The following ZEB2 variants were observed in gnomAD, a reference collection of about 807,000 sequenced individuals.
ZEB2 encodes zinc finger E-box binding homeobox 2.
In ZEB2, 6 loss-of-function variants were observed where a neutral mutation model predicts 99.9. That is an observed-to-expected ratio of 0.06 (90% CI 0.03 to 0.12). The LOEUF is 0.12. ZEB2 is among the 10% of genes least tolerant of loss of function. The pLI, the probability that ZEB2 is intolerant of heterozygous loss-of-function variation, is 1.00. For missense variants in ZEB2, 969 were observed against 1,502.8 expected, an observed-to-expected ratio of 0.64 and a Z score of 5.87; for synonymous variants, 517 against 542.5, an observed-to-expected ratio of 0.95 and a Z score of 0.65.
chr2:144,498,900 G>A (rs1280333426), intron 2 of ZEB2, among the ~76,000 whole-genome samples: 1 of 152,158 alleles, frequency 6.6e-6, no homozygotes, highest in Non-Finnish European at 1.5e-5. Flanking sequence ...GTGAGACCCT[G>A]TCTCTAAAAA....
At chr2:144,410,243 T>C (rs1402370093) in intron 4 of ZEB2, among the ~76,000 whole-genome samples, 3 of 152,208 alleles carry the variant, frequency 2.0e-5, no homozygotes, top group African/African-American at 7.2e-5. Flanking sequence ...TGTTTCCTCA[T>C]GACCATGTGT....
intron 2 of ZEB2, among the ~76,000 whole-genome samples, chr2:144,442,872 A>G (rs1703934706): frequency 6.6e-6 from 1 of 152,218 alleles, no homozygotes; most frequent in Non-Finnish European, 1.5e-5. Flanking sequence ...TGGCACAGAA[A>G]GCATTTTGGA....
At chr2:144,434,704 C>G (rs1703814999) in intron 2 of ZEB2, among the ~76,000 whole-genome samples, 1 of 152,268 alleles carries the variant, frequency 6.6e-6, no homozygotes, top group African/African-American at 2.4e-5. Flanking sequence ...TTGTTACTTT[C>G]ATGGATCCCC....
At chr2:144,463,612 T>G (rs1332303944) in intron 2 of ZEB2, 1 of 152,078 alleles carries the variant, frequency 6.6e-6, no homozygotes. Flanking sequence ...GAGAATCACT[T>G]GAGCCCAGGA....
chr2:144,490,337 G>A lies in ZEB2; in HGVS notation c.73+26941C>T, dbSNP rs1007729285. Among the ~76,000 whole-genome samples, 5 of 152,062 alleles carry A rather than the reference G, an allele frequency of 3.3e-5. No individual in the cohort carries two copies. The South Asian group carries it at 1.0e-3, about 32-fold the overall frequency. ...GCCACATAATAATGATACAATAAAT[G>A]GGAGCTGTACTATTATTATTAATAT... On this transcript the variant is annotated intron_variant, in intron 2 of 9. Transcript: ENST00000627532.
Position 144,385,826 on chromosome 2 carries a change from C to A in ZEB2, c.*3625G>T, listed in dbSNP as rs1007860680. The A allele has an allele frequency of 6.6e-6, 1 of 152,028 alleles. No homozygotes were observed. The highest frequency in any genetic ancestry group is 1.5e-5 in the Non-Finnish European group (1 of 67,988). 9.4% of individuals were successfully genotyped at this position (152,028 alleles called of 1,614,324 possible). On this transcript the variant is annotated 3_prime_UTR_variant, in exon 10 of 10. Coordinates refer to ENST00000627532, the MANE Select transcript of ZEB2 (RefSeq NM_014795.4). The stretch of plus-strand genomic sequence containing the variant: ...CATTATTAGAAAGATAAAAAATGAC[C>A]TTTTTAAAAGTTATCTGATTGTGAA...
At chr2:144,519,042 G>A (rs1273547601) in intron 1 of ZEB2, among the ~76,000 whole-genome samples, 1 of 152,110 alleles carries the variant, frequency 6.6e-6, no homozygotes, top group East Asian at 1.9e-4. Context: ...CATGTTAGCC[G>A]GGCTCATCAC....
intron 2 of ZEB2, chr2:144,450,094 C>G (rs933805968): frequency 4.0e-5 from 6 of 151,652 alleles, no homozygotes; most frequent in Non-Finnish European, 7.4e-5. Context: ...AATTGTATTA[C>G]CACTGGAATT....
In ZEB2 at chr2:144,473,314, T is replaced by C. The variant is rs112612967; in HGVS notation, c.74-43288A>G. Among the ~76,000 whole-genome samples, 405 of 152,162 alleles carry C rather than the reference T, an allele frequency of 2.7e-3. 3 individuals carry two copies. The highest frequency in any genetic ancestry group is 9.4e-3 in the African/African-American group (391 of 41,522). The stretch of plus-strand genomic sequence containing the variant: ...AAACTAGGCAGATAGGGAAAATGAG[T>C]AGTTTTATGTCATGGTATTGAATTT... On this transcript the variant is annotated intron_variant, in intron 2 of 9. Transcript: ENST00000627532.
intron 4 of ZEB2, among the ~76,000 whole-genome samples, chr2:144,416,985 CATTT>C (rs1302530094): frequency 2.0e-5 from 3 of 152,212 alleles, no homozygotes; most frequent in Non-Finnish European, 4.4e-5. Context: ...AATGATAGCG[CATTT>C]ATTATGCGCT....
intron 2 of ZEB2, among the ~76,000 whole-genome samples, chr2:144,509,072 G>A (rs536079274): frequency 1.7e-4 from 26 of 152,130 alleles, no homozygotes; most frequent in African/African-American, 5.8e-4. Flanking sequence ...AGCTTGAACA[G>A]TTTTCATGCC....
rs1705179985 is a variant in ZEB2, at chr2:144,517,572, C to T, written c.-69-153G>A. 5.2e-6 allele frequency: 3 copies of T among 577,800 alleles called. No homozygotes were observed. The Admixed American group carries it at 7.4e-5, about 14-fold the overall frequency. The allele number at this position is 577,800 out of a possible 1,614,324, so 35.8% of individuals were successfully genotyped here. ...CTTCGGCGGCCCCCTCCCCGCCCCC[C>T]ACCCCCAGCCTTGGCCCCGAGGCGC... is the stretch of plus-strand genomic sequence containing the variant. On this transcript the variant is annotated intron_variant, in intron 1 of 9. Coordinates refer to ENST00000627532, the MANE Select transcript of ZEB2 (RefSeq NM_014795.4).
At chr2:144,493,932 C>T (rs1440467464) in intron 2 of ZEB2, among the ~76,000 whole-genome samples, 3 of 151,948 alleles carry the variant, frequency 2.0e-5, no homozygotes, top group African/African-American at 7.2e-5. Context: ...GCGGGCGGAT[C>T]ACGAGGTCAG....
intron 1 of ZEB2, chr2:144,519,315 G>A (rs1164356780): frequency 1.3e-5 from 2 of 151,980 alleles, no homozygotes; most frequent in East Asian, 3.9e-4. Flanking sequence ...TCACAGAAGT[G>A]AGGTGTTACT....
chr2:144,436,511 GGA>G (rs769246761), intron 2 of ZEB2, among the ~76,000 whole-genome samples: 50 of 152,284 alleles, frequency 3.3e-4, no homozygotes, highest in African/African-American at 1.2e-3. Context: ...TGGTTGCAGT[GGA>G]GAGAGGCCAG....
intron 4 of ZEB2, among the ~76,000 whole-genome samples, chr2:144,416,390 T>G (rs570841288): frequency 5.7e-4 from 87 of 152,338 alleles, no homozygotes; most frequent in Admixed American, 1.3e-3. Context: ...CAGACTATGT[T>G]TTCAAAATGG....
intron 2 of ZEB2, chr2:144,513,306 T>C (rs1338478832): frequency 7.7e-7 from 1 of 1,294,148 alleles, no homozygotes; most frequent in Non-Finnish European, 1.0e-6. Context: ...TCCTCTAGGA[T>C]CCAAAGCCCT....
At chr2:144,427,773 T>C (rs1476568706) in intron 3 of ZEB2, 2 of 152,046 alleles carry the variant, frequency 1.3e-5, no homozygotes, top group Non-Finnish European at 2.9e-5. Context: ...CCAAATGAGA[T>C]TAGGGATTTA....
At chr2:144,393,247 A>G (rs1299253129) in intron 9 of ZEB2, among the ~76,000 whole-genome samples, 1 of 152,228 alleles carries the variant, frequency 6.6e-6, no homozygotes, top group Non-Finnish European at 1.5e-5. Flanking sequence ...AAAGCAAGCA[A>G]GCAATAAGCC....
Sources: gnomAD v4.1 joint callset for allele counts (sites outside exome capture counted in the v4.1 genomes callset) on GRCh38, gnomAD v4.1.1 for gene constraint, MANE v1.5 for transcripts, NCBI Gene and HGNC (gene_info 2026-07-23, HGNC 2026-07-21) for gene names.